TPTE2: variants seen among roughly 807,000 people sequenced by gnomAD.
TPTE2 encodes transmembrane phosphoinositide 3-phosphatase and tensin homolog 2.
A neutral mutation model predicts 78.6 loss-of-function variants in TPTE2; 53 were observed. That is an observed-to-expected ratio of 0.67 (90% confidence interval 0.54 to 0.85). The LOEUF is 0.85. TPTE2 is among the 40% of genes least tolerant of loss of function. TPTE2 has a pLI of 0.00. For synonymous variants in TPTE2, 175 were observed against 206.2 expected, an observed-to-expected ratio of 0.85 and a Z score of 1.30; for missense variants, 461 against 623.0, an observed-to-expected ratio of 0.74 and a Z score of 2.77.
At chr13:19,527,027 C>T (rs973768188) in intron 1 of TPTE2, among the ~76,000 whole-genome samples, 3 of 152,036 alleles carry the variant, frequency 2.0e-5, no homozygotes, top group Admixed American at 6.5e-5. Context: ...AAAAAAAGGC[C>T]GGGCGTGGTG....
intron 10 of TPTE2, among the ~76,000 whole-genome samples, chr13:19,455,748 G>T (rs1459347577): frequency 2.0e-5 from 3 of 152,000 alleles, no homozygotes; most frequent in Non-Finnish European, 2.9e-5. Flanking sequence ...AAAAAAGGTT[G>T]GTTTAACATT....
At chr13:19,483,623 A>G (rs571752031) in intron 3 of TPTE2, among the ~76,000 whole-genome samples, 1 of 152,036 alleles carries the variant, frequency 6.6e-6, no homozygotes, top group East Asian at 1.9e-4. Flanking sequence ...TTTGCCTCAA[A>G]TCTGTTTATT....
chr13:19,489,633 C>T (rs1411279292), intron 3 of TPTE2, among the ~76,000 whole-genome samples: 3 of 149,312 alleles, frequency 2.0e-5, no homozygotes, highest in Non-Finnish European at 4.4e-5. Context: ...CATATGTAGA[C>T]ATATGTATAT....
intron 17 of TPTE2, among the ~76,000 whole-genome samples, chr13:19,426,763 G>A (rs1316998998): frequency 6.6e-6 from 1 of 152,198 alleles, no homozygotes; most frequent in Non-Finnish European, 1.5e-5. Flanking sequence ...GGAGTGCAGT[G>A]GCGTGATCTC....
At chr13:19,500,710 A>C (rs1394594347) in intron 1 of TPTE2, among the ~76,000 whole-genome samples, 2 of 151,398 alleles carry the variant, frequency 1.3e-5, no homozygotes. Flanking sequence ...AATGGGCAAA[A>C]ACTGGAAGCA....
At chr13:19,531,642 G>T (rs929668659) in intron 1 of TPTE2, among the ~76,000 whole-genome samples, 14 of 132,672 alleles carry the variant, frequency 1.1e-4, no homozygotes, top group African/African-American at 3.4e-4. Context: ...AAAAAAAAAA[G>T]TAAGCCAGGT....
chr13:19,490,532 C>G (rs1381197555), intron 3 of TPTE2, among the ~76,000 whole-genome samples: 2 of 152,178 alleles, frequency 1.3e-5, no homozygotes, highest in Non-Finnish European at 2.9e-5. Flanking sequence ...TAAACCTCAT[C>G]CCCAAGTTAC....
chr13:19,552,513 A>G, the TPTE2 span: 9 of 613,440 alleles, frequency 1.5e-5, no homozygotes, highest in East Asian at 2.8e-4. Flanking sequence ...GAAAGTGAAT[A>G]TCTGGCAGAA....
chr13:19,492,106 T>C (rs1881025625), intron 3 of TPTE2, among the ~76,000 whole-genome samples: 1 of 152,204 alleles, frequency 6.6e-6, no homozygotes, highest in African/African-American at 2.4e-5. Flanking sequence ...TTTTCCGTAT[T>C]ACTTACACCT....
chr13:19,531,744 T>G (rs1870886482), intron 1 of TPTE2, among the ~76,000 whole-genome samples: 1 of 151,424 alleles, frequency 6.6e-6, no homozygotes, highest in African/African-American at 2.4e-5. Context: ...CTAGCCAACA[T>G]GGTGAAACCC....
At chr13:19,519,733 C>T (rs1243353944) in intron 1 of TPTE2, among the ~76,000 whole-genome samples, 1 of 150,224 alleles carries the variant, frequency 6.7e-6, no homozygotes, top group Non-Finnish European at 1.5e-5. Context: ...CTTCACTGTT[C>T]TTCTTCAAGA....
chr13:19,520,240 T>G (rs1870068148), intron 1 of TPTE2, among the ~76,000 whole-genome samples: 1 of 151,998 alleles, frequency 6.6e-6, no homozygotes, highest in Non-Finnish European at 1.5e-5. Flanking sequence ...TTCTTTTCTG[T>G]GGTTGGTTTT....
the TPTE2 span, chr13:19,560,507 C>T: frequency 1.9e-6 from 3 of 1,588,252 alleles, no homozygotes; most frequent in South Asian, 3.3e-5. Context: ...CTCTGCAGTA[C>T]TGACATCTGG....
chr13:19,557,467 T>C, the TPTE2 span, among the ~76,000 whole-genome samples: 1 of 152,094 alleles, frequency 6.6e-6, no homozygotes, highest in African/African-American at 2.4e-5. Flanking sequence ...GAAAACACTG[T>C]CATCGTGCAC....
At chr13:19,527,932 C>A (rs1275142915) in intron 1 of TPTE2, among the ~76,000 whole-genome samples, 2 of 152,196 alleles carry the variant, frequency 1.3e-5, no homozygotes, top group Admixed American at 6.5e-5. Context: ...GGGGCTGGCG[C>A]CTTGAGGACT....
At chr13:19,503,473 G>A (rs1457397830), upstream of TPTE2, among the ~76,000 whole-genome samples, 1 of 152,152 alleles carries the variant, frequency 6.6e-6, no homozygotes, top group African/African-American at 2.4e-5. Context: ...AACATCTTAG[G>A]CTGGGGAAAA....
At chr13:19,474,872 G>C (rs1879838026) in intron 5 of TPTE2, among the ~76,000 whole-genome samples, 1 of 152,254 alleles carries the variant, frequency 6.6e-6, no homozygotes, top group Admixed American at 6.5e-5. Context: ...TAAGTAAATT[G>C]TTTCCAGAAC....
chr13:19,509,212 G>A (rs1869267385), intron 1 of TPTE2, among the ~76,000 whole-genome samples: 1 of 152,164 alleles, frequency 6.6e-6, no homozygotes, highest in Non-Finnish European at 1.5e-5. Context: ...ACACATTTAA[G>A]TAGAAAGGTT....
chr13:19,544,698 C>T, the TPTE2 span, among the ~76,000 whole-genome samples: 1 of 152,144 alleles, frequency 6.6e-6, no homozygotes, highest in African/African-American at 2.4e-5. Context: ...CAGTTCAAGA[C>T]TAGCCTGGGC....
Sources: gnomAD v4.1 joint callset for allele counts (sites outside exome capture counted in the v4.1 genomes callset) on GRCh38, gnomAD v4.1.1 for gene constraint, MANE v1.5 for transcripts, NCBI Gene and HGNC (gene_info 2026-07-23, HGNC 2026-07-21) for gene names.